The following GRIK2 variants were observed in gnomAD, a reference collection of about 807,000 sequenced individuals.
GRIK2 encodes glutamate ionotropic receptor kainate type subunit 2.
Under a neutral mutation model 100.3 loss-of-function variants are expected in GRIK2, and 32 were observed. The observed-to-expected ratio is 0.32, with a 90% CI of 0.24 to 0.43. GRIK2 has a LOEUF of 0.43. Ranked by LOEUF, GRIK2 falls within the 20% of genes least tolerant of loss-of-function variation. The pLI is 1.00. For synonymous variants in GRIK2, 417 were observed against 389.4 expected (o/e 1.07, Z -0.83); for missense variants, 843 against 1,114.9 (o/e 0.76, Z 3.47).
intron 4 of GRIK2, among the ~76,000 whole-genome samples, chr6:101,653,157 G>A (rs1436512288): frequency 6.6e-6 from 1 of 152,116 alleles, no homozygotes; most frequent in Non-Finnish European, 1.5e-5. Flanking sequence ...AGTCATGGGG[G>A]TTACAGAGTG....
rs1775800847 is a variant in GRIK2, at chr6:101,409,868, G to T, written c.115+10476G>T. Reference sequence around the variant, plus strand: ...ATATTTATTATCACTCATGAATATTGTATCTAACTTCTTAAACTGTGTATA... The same window carrying T: ...ATATTTATTATCACTCATGAATATTTTATCTAACTTCTTAAACTGTGTATA... On this transcript the variant is annotated intron_variant, in intron 2 of 16. Coordinates refer to ENST00000369134, the MANE Select transcript of GRIK2 (RefSeq NM_021956.5). Among the ~76,000 whole-genome samples the T allele has an allele frequency of 2.0e-5, 3 of 151,904 alleles. No individual in the cohort carries two copies. The South Asian group carries it at 6.2e-4, about 31-fold the overall frequency.
chr6:101,657,324 C>G (rs557506023), intron 4 of GRIK2, among the ~76,000 whole-genome samples: 3 of 152,114 alleles, frequency 2.0e-5, no homozygotes, highest in Non-Finnish European at 4.4e-5. Flanking sequence ...CTTCTCTGTC[C>G]TGCCGCCATG....
chr6:101,684,027 T>C (rs1668473934), intron 6 of GRIK2, among the ~76,000 whole-genome samples: 1 of 152,204 alleles, frequency 6.6e-6, no homozygotes, highest in African/African-American at 2.4e-5. Context: ...ATTTAATTGA[T>C]TGCAATAGCT....
intron 2 of GRIK2, among the ~76,000 whole-genome samples, chr6:101,415,766 A>G (rs1776114169): frequency 1.3e-5 from 2 of 152,132 alleles, no homozygotes; most frequent in African/African-American, 2.4e-5. Flanking sequence ...TTTTAGAATC[A>G]TATATACCTG....
chr6:101,675,748 G>T (rs1295158220), intron 4 of GRIK2, among the ~76,000 whole-genome samples: 1 of 152,090 alleles, frequency 6.6e-6, no homozygotes, highest in Non-Finnish European at 1.5e-5. Flanking sequence ...TTCTCTAGGA[G>T]AATGCTTACT....
chr6:101,417,979 A>G (rs192900040), intron 2 of GRIK2, among the ~76,000 whole-genome samples: 5 of 152,308 alleles, frequency 3.3e-5, no homozygotes, highest in Admixed American at 1.3e-4. Flanking sequence ...GGTTAGCTCT[A>G]TGTTCTACAA....
intron 2 of GRIK2, among the ~76,000 whole-genome samples, chr6:101,556,321 A>ATTT (rs10528480): frequency 0.022 from 1,274 of 59,228 alleles, 306 homozygotes; most frequent in Middle Eastern, 0.044. Context: ...TATATTGGTA[A>ATTT]TTTTTTTTTT....
chr6:101,491,117 G>A (rs1773079661), intron 2 of GRIK2, among the ~76,000 whole-genome samples: 1 of 116,612 alleles, frequency 8.6e-6, no homozygotes, highest in Admixed American at 8.2e-5. Flanking sequence ...GCCTTAGCAA[G>A]GCAAAAGTTG....
chr6:101,582,908 A>G (rs1443814121), intron 2 of GRIK2, among the ~76,000 whole-genome samples: 2 of 146,872 alleles, frequency 1.4e-5, no homozygotes, highest in African/African-American at 2.4e-5. Context: ...AGCCACTACA[A>G]TCTGCAGTGG....
chr6:101,582,011 A>G (rs1199048674), intron 2 of GRIK2, among the ~76,000 whole-genome samples: 1 of 151,952 alleles, frequency 6.6e-6, no homozygotes, highest in Non-Finnish European at 1.5e-5. Context: ...TTTCCCCCAT[A>G]CTGTCCTTGT....
intron 11 of GRIK2, among the ~76,000 whole-genome samples, chr6:101,870,585 C>G (rs1021328412): frequency 2.0e-5 from 3 of 151,712 alleles, no homozygotes; most frequent in African/African-American, 4.8e-5. Context: ...AAATATCTAC[C>G]AAATAAATGG....
chr6:101,462,425 A>G (rs1016394619), intron 2 of GRIK2, among the ~76,000 whole-genome samples: 7 of 152,158 alleles, frequency 4.6e-5, no homozygotes, highest in Non-Finnish European at 1.0e-4. Flanking sequence ...TTTTGGAGAA[A>G]ATGTCACTGA....
intron 7 of GRIK2, among the ~76,000 whole-genome samples, chr6:101,689,764 C>T (rs1316582200): frequency 6.6e-6 from 1 of 152,040 alleles, no homozygotes; most frequent in Admixed American, 6.6e-5. Context: ...TTTCTCCATT[C>T]CCACACAATG....
In GRIK2 at chr6:102,051,251, C is replaced by CCCTCCCTT. The variant is rs1215298030; in HGVS notation, c.2312-4076_2312-4075insCCCTTCCT. 1.5e-3 allele frequency among the ~76,000 whole-genome samples: 189 copies of CCCTCCCTT among 122,084 alleles called. 2 individuals are homozygous for CCCTCCCTT. The East Asian group carries it at 0.018, about 11-fold the overall frequency. The allele number at this position is 122,084 out of a possible 152,430, so 80.1% of individuals were successfully genotyped here. On this transcript the variant is annotated intron_variant, in intron 15 of 16. Transcript: ENST00000369134. ...ACTATGACTGCCTGCTTCCCTCCCT[C>CCCTCCCTT]CCTTCCTTCCTTCCTTCCTTCCTTC... is the stretch of plus-strand genomic sequence containing the variant.
At position 101,797,758 on chromosome 6, in the gene GRIK2, TTTATATA is replaced by T. The variant is rs1250486659; in HGVS notation, c.952-1872_952-1866del. Among the ~76,000 whole-genome samples, 25 of 147,108 alleles carry T rather than the reference TTTATATA, an allele frequency of 1.7e-4. No individual in the cohort carries two copies. In the East Asian group the frequency reaches 2.9e-3, roughly 17 times the overall value. ...ATAATGGTTATATATTAATAATGGT[TTTATATA>T]TTATATATTATATATTACATACTAT... On this transcript the variant is annotated intron_variant, in intron 7 of 16. Coordinates refer to ENST00000369134, the MANE Select transcript of GRIK2 (RefSeq NM_021956.5).
At chr6:101,508,837 C>G (rs1325216018) in intron 2 of GRIK2, among the ~76,000 whole-genome samples, 2 of 152,008 alleles carry the variant, frequency 1.3e-5, no homozygotes, top group Non-Finnish European at 2.9e-5. Flanking sequence ...GTTAACTTTG[C>G]CAAGTGTGAA....
At chr6:101,817,672 T>A (rs1781715750) in intron 9 of GRIK2, among the ~76,000 whole-genome samples, 1 of 152,208 alleles carries the variant, frequency 6.6e-6, no homozygotes, top group Admixed American at 6.5e-5. Context: ...GTTCAGTGAA[T>A]ACAAAATGTC....
At chr6:101,975,817 A>G (rs576836320) in intron 14 of GRIK2, among the ~76,000 whole-genome samples, 60 of 150,922 alleles carry the variant, frequency 4.0e-4, no homozygotes, top group African/African-American at 1.0e-3. Flanking sequence ...CTGTCTATCT[A>G]TCTATCTATC....
intron 14 of GRIK2, among the ~76,000 whole-genome samples, chr6:101,944,414 T>A (rs1193698520): frequency 6.6e-6 from 1 of 152,170 alleles, no homozygotes; most frequent in Non-Finnish European, 1.5e-5. Context: ...TTAGTGTATA[T>A]GTGTAAGTGC....
Sources: gnomAD v4.1 joint callset for allele counts (sites outside exome capture counted in the v4.1 genomes callset) on GRCh38, gnomAD v4.1.1 for gene constraint, MANE v1.5 for transcripts, NCBI Gene and HGNC (gene_info 2026-07-23, HGNC 2026-07-21) for gene names.